Variants in ITGA8 observed in about 807,000 individuals in gnomAD.
The protein encoded by ITGA8 is integrin alpha-8.
A neutral mutation model predicts 142.3 loss-of-function variants in ITGA8; 91 were observed. That is an observed-to-expected ratio of 0.64 (90% CI 0.54 to 0.76). ITGA8 has a LOEUF of 0.76. Ranked by LOEUF, ITGA8 falls within the 30% of genes least tolerant of loss-of-function variation. ITGA8 has a pLI of 0.00. For synonymous variants in ITGA8, 505 were observed against 485.2 expected (o/e 1.04, Z -0.54); for missense variants, 1,406 against 1,327.7 (o/e 1.06, Z -0.92).
chr10:15,612,127 G>GT (rs1370856774), intron 15 of ITGA8, among the ~76,000 whole-genome samples: 59 of 152,078 alleles, frequency 3.9e-4, no homozygotes, highest in Non-Finnish European at 1.3e-4. Context: ...CTATTTTATG[G>GT]TTTTAACCAA....
intron 13 of ITGA8, among the ~76,000 whole-genome samples, chr10:15,624,692 AATCCTCTTC>A (rs1356446622): frequency 6.6e-6 from 1 of 152,198 alleles, no homozygotes; most frequent in Non-Finnish European, 1.5e-5. Flanking sequence ...CCATCCTGCC[AATCCTCTTC>A]CCACAGCACC....
chr10:15,522,766 C>A (rs921380549), intron 28 of ITGA8, among the ~76,000 whole-genome samples: 2 of 152,188 alleles, frequency 1.3e-5, no homozygotes, highest in African/African-American at 2.4e-5. Context: ...AATCCCAGCA[C>A]TTTGGGAGGC....
At chr10:15,570,567 G>A (rs1212540547) in intron 25 of ITGA8, among the ~76,000 whole-genome samples, 4 of 136,342 alleles carry the variant, frequency 2.9e-5, no homozygotes, top group South Asian at 2.3e-4. Context: ...CCGAGATGGC[G>A]CCATTGCACT....
intron 10 of ITGA8, among the ~76,000 whole-genome samples, chr10:15,656,525 A>G (rs1466113063): frequency 1.3e-5 from 2 of 151,726 alleles, no homozygotes; most frequent in Non-Finnish European, 2.9e-5. Flanking sequence ...CACCATGCCC[A>G]GCTAATTTTT....
Position 15,566,092 on chromosome 10 carries a change from C to G in ITGA8, c.2637+6119G>C, listed in dbSNP as rs558480556. On this transcript the variant is annotated intron_variant, in intron 25 of 29. Transcript: ENST00000378076. ...CTATGCAAATTTGCCAAGCCACTGT[C>G]TGCGGGCCCACTCATTCTAAAACAT... Among the ~76,000 whole-genome samples, 4 of 152,276 alleles carry G rather than the reference C, an allele frequency of 2.6e-5. No individual in the cohort carries two copies. In the East Asian group the frequency reaches 7.7e-4, roughly 29 times the overall value.
chr10:15,605,484 T>G (rs913614731), intron 19 of ITGA8, among the ~76,000 whole-genome samples: 5 of 152,094 alleles, frequency 3.3e-5, no homozygotes, highest in Admixed American at 6.6e-5. Flanking sequence ...AAACATTTTT[T>G]TCCCCACTTT....
At position 15,692,016 on chromosome 10, in the gene ITGA8, AG is replaced by A. The variant is rs1350531811; in HGVS notation, c.344-3979del. On this transcript the variant is annotated intron_variant, in intron 2 of 29. Transcript: ENST00000378076. Reference sequence around the variant, plus strand: ...CAGTGGCACGATCACAGTTCACTGCAGCCTCGACTTCTCTGGGCTCAAGTGA... The same window carrying A: ...CAGTGGCACGATCACAGTTCACTGCACCTCGACTTCTCTGGGCTCAAGTGA... Among the ~76,000 whole-genome samples, 16 of 152,156 alleles carry A rather than the reference AG, an allele frequency of 1.1e-4. No individual in the cohort carries two copies. The East Asian group carries it at 1.3e-3, about 13-fold the overall frequency.
intron 24 of ITGA8, among the ~76,000 whole-genome samples, chr10:15,572,876 C>A (rs1007724780): frequency 6.6e-6 from 1 of 152,112 alleles, no homozygotes. Context: ...ATTTCGAGTG[C>A]GTGTTTCAAA....
At position 15,645,330 on chromosome 10, in the gene ITGA8, T is replaced by C. The variant is rs188287768; in HGVS notation, c.1208-1109A>G. ...GAAGCTAGGACCTCCCTTTATGTCA[T>C]TTAGAATGCTTCTTTTATCTTTTAA... On this transcript the variant is annotated intron_variant, in intron 12 of 29. Transcript: ENST00000378076. 2.1e-4 allele frequency among the ~76,000 whole-genome samples: 32 copies of C among 152,234 alleles called. 1 individual carries two copies. In the East Asian group the frequency reaches 6.2e-3, roughly 29 times the overall value.
chr10:15,709,446 C>T (rs968247265), intron 2 of ITGA8, among the ~76,000 whole-genome samples: 1 of 152,158 alleles, frequency 6.6e-6, no homozygotes, highest in African/African-American at 2.4e-5. Flanking sequence ...TATAACTCAT[C>T]ATATATAATG....
Position 15,658,903 on chromosome 10 carries a change from T to C in ITGA8, c.948+96A>G, listed in dbSNP as rs184516570. The C allele has an allele frequency of 9.0e-5, 78 of 868,468 alleles. 1 individual carries two copies. The highest frequency in any genetic ancestry group is 4.3e-4 in the East Asian group (16 of 37,468). The allele number at this position is 868,468 out of a possible 1,614,324, so 53.8% of individuals were successfully genotyped here. ...TTTCCAGTACGTAGTAGCTGCTCAT[T>C]AAATATTTGTCAAATGGATGAATAA... On this transcript the variant is annotated intron_variant, in intron 10 of 29. Coordinates refer to ENST00000378076, the MANE Select transcript of ITGA8 (RefSeq NM_003638.3).
At position 15,607,769 on chromosome 10, in the gene ITGA8, A is replaced by G; in HGVS notation, c.1672T>C (p.Phe558Leu). ...CGATGAGCCTGATGGTTATCAAGGA[A>G]GAGCGTCCGTTTAATAGCTCCTTTC... ...KQKGAIKRTL[F>L]LDNHQAHRVF... The change falls in exon 17 of 30, where the codon TTC becomes CTC. Residue 558 changes from phenylalanine (F) to leucine (L), a missense_variant. By Grantham distance (22) the Phe-to-Leu change is conservative (BLOSUM62 0). Coordinates refer to ENST00000378076, the MANE Select transcript of ITGA8 (RefSeq NM_003638.3). The G allele has an allele frequency of 6.2e-7, 1 of 1,613,422 alleles. No individual in the cohort carries two copies. Among genetic ancestry groups the G allele is most frequent in the Non-Finnish European group, 8.5e-7 (1 of 1,179,332 alleles).
At position 15,586,587 on chromosome 10, in the gene ITGA8, C is replaced by A; in HGVS notation, c.2369G>T (p.Arg790Ile). ...NITAVAQVEI[R>I]GVSHPPQIVL... ...CTATGCATTGCTTACTACTTACCCT[C>A]TTATTTCCACCTGCGCTACAGCAGT... The change falls in exon 23 of 30, where the codon AGA becomes ATA. Residue 790 changes from arginine (R) to isoleucine (I), a missense_variant. Coordinates refer to ENST00000378076, the MANE Select transcript of ITGA8 (RefSeq NM_003638.3). 6.2e-7 allele frequency: 1 copy of A among 1,600,870 alleles called. No homozygotes were observed.
chr10:15,630,111 A>C (rs1393892863), intron 13 of ITGA8, among the ~76,000 whole-genome samples: 1 of 152,078 alleles, frequency 6.6e-6, no homozygotes, highest in Non-Finnish European at 1.5e-5. Context: ...CTAGCCAAGA[A>C]TCAGTCTGCT....
chr10:15,709,674 T>C (rs904015067), intron 2 of ITGA8, among the ~76,000 whole-genome samples: 9 of 152,296 alleles, frequency 5.9e-5, no homozygotes, highest in South Asian at 2.1e-4. Flanking sequence ...GATTGCAGTA[T>C]AAATAGACTG....
intron 25 of ITGA8, among the ~76,000 whole-genome samples, chr10:15,563,560 G>C (rs1347324676): frequency 6.6e-6 from 1 of 152,154 alleles, no homozygotes; most frequent in Non-Finnish European, 1.5e-5. Flanking sequence ...TTATTCCCAA[G>C]ATATAGCCTA....
chr10:15,575,472 A>T lies in ITGA8; in HGVS notation c.2478+17T>A, dbSNP rs1233538609. ...AGAATAAACCCCTAACACAACTTTA[A>T]CACAGACAATGGCTACCTCATAAAT... On this transcript the variant is annotated intron_variant, in intron 24 of 29. Transcript: ENST00000378076. 2 of 1,564,514 alleles carry T rather than the reference A, an allele frequency of 1.3e-6. No individual in the cohort carries two copies. Among genetic ancestry groups the T allele is most frequent in the Non-Finnish European group, 1.8e-6 (2 of 1,134,794 alleles).
intron 27 of ITGA8, among the ~76,000 whole-genome samples, chr10:15,537,403 G>A (rs766531558): frequency 2.6e-4 from 40 of 152,278 alleles, no homozygotes; most frequent in African/African-American, 8.4e-4. Context: ...AATTGTACCC[G>A]TCTTTCCCAT....
intron 8 of ITGA8, 136 bp downstream of exon 8, chr10:15,671,467 A>G (rs764832059): frequency 1.5e-5 from 9 of 609,944 alleles, no homozygotes; most frequent in African/African-American, 3.7e-5. Context: ...TTTTCTACAA[A>G]GTATAGGCAC....
Sources: allele counts gnomAD v4.1 joint callset (sites outside exome capture counted in the v4.1 genomes callset), GRCh38; gene constraint gnomAD v4.1.1; transcripts MANE v1.5; gene names NCBI Gene and HGNC (gene_info 2026-07-23, HGNC 2026-07-21).